DHX8: variants seen among roughly 807,000 people sequenced by gnomAD.
The protein encoded by DHX8 is ATP-dependent RNA helicase DHX8.
In DHX8, 67 loss-of-function variants were observed where a neutral mutation model predicts 140.7. The observed-to-expected ratio is 0.48, with a 90% CI of 0.39 to 0.58. The LOEUF is 0.58. Among genes scored for constraint, DHX8 ranks in the 20% least tolerant of loss-of-function variants. DHX8 has a pLI of 0.00. For synonymous variants in DHX8, 533 were observed against 553.2 expected (o/e 0.96, Z 0.51); for missense variants, 887 against 1,550.7 (o/e 0.57, Z 7.19).
At chr17:43,492,340 G>A (rs1283441535) in intron 5 of DHX8, 48 bp downstream of exon 5, 2 of 1,513,414 alleles carry the variant, frequency 1.3e-6, no homozygotes, top group Non-Finnish European at 1.8e-6. Flanking sequence ...TACTGTGACA[G>A]TTGAATATTA....
chr17:43,488,953 A>G (rs1968339638), intron 1 of DHX8, among the ~76,000 whole-genome samples: 1 of 152,018 alleles, frequency 6.6e-6, no homozygotes, highest in African/African-American at 2.4e-5. Context: ...TCTCTAGAAT[A>G]TGTGTGGATA....
chr17:43,500,842 C>T (rs1035459249), intron 11 of DHX8, among the ~76,000 whole-genome samples: 22 of 151,812 alleles, frequency 1.4e-4, no homozygotes, highest in East Asian at 7.8e-4. Flanking sequence ...ACCCTGGAGG[C>T]GGAGGTTGCA....
At chr17:43,488,739 T>C (rs1412423706) in intron 1 of DHX8, among the ~76,000 whole-genome samples, 1 of 152,202 alleles carries the variant, frequency 6.6e-6, no homozygotes, top group Non-Finnish European at 1.5e-5. Flanking sequence ...TCTGTCCTTC[T>C]GTTGTGTGCC....
chr17:43,488,925 C>T (rs959157968), intron 1 of DHX8, among the ~76,000 whole-genome samples: 1 of 152,174 alleles, frequency 6.6e-6, no homozygotes, highest in African/African-American at 2.4e-5. Context: ...GTAATATCTT[C>T]CTTTCATTTG....
At chr17:43,517,123 C>T (rs1334850204) in intron 17 of DHX8, 44 bp from the exon 18 acceptor site, 8 of 1,557,898 alleles carry the variant, frequency 5.1e-6, no homozygotes, top group Non-Finnish European at 6.9e-6. Flanking sequence ...AGCTGTTAAG[C>T]AGTGTTTAAC....
At chr17:43,488,295 AAG>A (rs1168938887) in intron 1 of DHX8, among the ~76,000 whole-genome samples, 6 of 87,862 alleles carry the variant, frequency 6.8e-5, no homozygotes, top group African/African-American at 1.9e-4. Context: ...AGAAAAAAAA[AAG>A]AAAAAAAGAA....
intron 1 of DHX8, among the ~76,000 whole-genome samples, chr17:43,487,247 T>C (rs1382443035): frequency 6.6e-6 from 1 of 152,228 alleles, no homozygotes; most frequent in African/African-American, 2.4e-5. Context: ...TACTAACTTA[T>C]TATGCATAAG....
In DHX8 at chr17:43,517,248, C is replaced by T. The variant is rs1468770622; in HGVS notation, c.2725C>T (p.Arg909Ter). ...CYRLYTERAY[R>*]DEMLTTNVPE... ...CAGGTTGTACACAGAACGTGCCTAC[C>T]GAGATGAAATGCTGACCACCAACGT... Residue 909 changes from arginine (R) to a stop codon, truncating the protein, a stop_gained, in exon 18 of 23, where the codon CGA becomes TGA. Transcript: ENST00000262415. LOFTEE classifies it high-confidence loss of function. The T allele has an allele frequency of 6.2e-7, 1 of 1,614,144 alleles. No individual in the cohort carries two copies. The highest frequency in any genetic ancestry group is 1.6e-4 in the Middle Eastern group (1 of 6,062).
At chr17:43,505,325 C>T (rs1283623206) in intron 12 of DHX8, among the ~76,000 whole-genome samples, 1 of 152,192 alleles carries the variant, frequency 6.6e-6, no homozygotes, top group East Asian at 1.9e-4. Context: ...AGGAGAATCG[C>T]TTGAATCAGG....
At chr17:43,518,701 A>G (rs557605155) in intron 18 of DHX8, 1 of 152,254 alleles carries the variant, frequency 6.6e-6, no homozygotes, top group Non-Finnish European at 1.5e-5. Context: ...CCATTTCCAG[A>G]ACTTTTTCAT....
rs1454159332 is a variant in DHX8 at position 43,492,719 on chromosome 17, A to G, written c.542A>G (p.Asp181Gly). 6.2e-7 allele frequency: 1 copy of G among 1,609,508 alleles called. No homozygotes were observed. The highest frequency in any genetic ancestry group is 8.5e-7 in the Non-Finnish European group (1 of 1,175,800). The change falls in exon 6 of 23, where the codon GAT becomes GGT. Residue 181 changes from aspartate (D) to glycine (G), a missense_variant. Coordinates refer to ENST00000262415, the MANE Select transcript of DHX8 (RefSeq NM_004941.3). The part of the protein sequence containing the change: ...TKKKKRSRSR[D>G]RNRDRDRDRE... ...AAGAAGAAGCGGAGTCGAAGCCGAG[A>G]TCGAAACCGAGATCGAGACAGAGAT...
At chr17:43,543,372 G>A in intron 3 of DHX8, among the ~76,000 whole-genome samples, 1 of 151,928 alleles carries the variant, frequency 6.6e-6, no homozygotes, top group Non-Finnish European at 1.5e-5. Context: ...TGGCCAAGGG[G>A]TGGGACTTCC....
At chr17:43,507,752 G>C (rs993029273) in intron 14 of DHX8, 57 bp from the exon 15 acceptor site, 18 of 1,611,938 alleles carry the variant, frequency 1.1e-5, no homozygotes, top group Admixed American at 1.7e-5. Context: ...AGTTGGATTT[G>C]AGTACCTGTG....
Position 43,484,123 on chromosome 17 carries a change from C to T in DHX8, c.86C>T (p.Ser29Phe). The T allele has an allele frequency of 6.2e-7, 1 of 1,614,184 alleles. No homozygotes were observed. Among genetic ancestry groups the T allele is most frequent in the Non-Finnish European group, 8.5e-7 (1 of 1,180,028 alleles). Residue 29 changes from serine to phenylalanine, a missense_variant, in exon 1 of 23, where the codon TCT (serine) becomes TTT (phenylalanine). Ser to Phe is a radical substitution (Grantham distance 155). Coordinates refer to ENST00000262415, the MANE Select transcript of DHX8 (RefSeq NM_004941.3). The stretch of plus-strand genomic sequence containing the variant: ...GAACTTGCCAAACTCGAGTACCTGT[C>T]TTTGGTGTCAAAGGTTTGCACTGAG... ...AEELAKLEYLSLVSKVCTELD... is the reference protein window; with the variant it reads ...AEELAKLEYLFLVSKVCTELD...
intron 18 of DHX8, chr17:43,517,549 AGGATATTAG>A: frequency 1.9e-6 from 1 of 527,006 alleles, no homozygotes; most frequent in South Asian, 2.5e-5. Context: ...AACAACCAGC[AGGATATTAG>A]GTTGTAAAAG....
chr17:43,490,784 G>A (rs76877201), intron 3 of DHX8, among the ~76,000 whole-genome samples: 139 of 152,244 alleles, frequency 9.1e-4, no homozygotes, highest in African/African-American at 3.3e-3. Context: ...TAAGGAAGGA[G>A]TGTTGCTTGA....
downstream of DHX8, chr17:43,526,802 A>G: frequency 4.1e-6 from 4 of 977,420 alleles, no homozygotes; most frequent in Non-Finnish European, 4.2e-6. Flanking sequence ...CTGTTTTTAA[A>G]ATTTTGTTTC....
At chr17:43,504,432 G>A (rs1277034197) in intron 11 of DHX8, among the ~76,000 whole-genome samples, 2 of 152,212 alleles carry the variant, frequency 1.3e-5, no homozygotes, top group African/African-American at 4.8e-5. Context: ...CATCACAGGT[G>A]TGTAGCACCA....
intron 3 of DHX8, among the ~76,000 whole-genome samples, chr17:43,543,276 A>ACACTCTCC (rs1555559953): frequency 7.2e-6 from 1 of 138,140 alleles, no homozygotes; most frequent in Non-Finnish European, 1.6e-5. Context: ...ACACACACAC[A>ACACTCTCC]CTCTCTCTCT....
Sources: gnomAD v4.1 joint callset for allele counts (sites outside exome capture counted in the v4.1 genomes callset) on GRCh38, gnomAD v4.1.1 for gene constraint, MANE v1.5 for transcripts, NCBI Gene and HGNC (gene_info 2026-07-23, HGNC 2026-07-21) for gene names.